The following MINDY3 variants were observed in gnomAD, a reference collection of about 807,000 sequenced individuals.
MINDY3 encodes the protein MINDY lysine 48 deubiquitinase 3.
MINDY3 carries 38 observed loss-of-function variants against 69.2 expected under a neutral mutation model. That is an observed-to-expected ratio of 0.55 (90% CI 0.42 to 0.72). The LOEUF is 0.72. MINDY3 is among the 30% of genes least tolerant of loss of function. MINDY3 has a pLI of 0.00. For synonymous variants in MINDY3, 192 were observed against 180.1 expected (o/e 1.07, Z -0.53); for missense variants, 522 against 519.0 (o/e 1.01, Z -0.06).
chr10:15,822,115 T>C (rs1204951736), intron 8 of MINDY3, among the ~76,000 whole-genome samples: 1 of 152,200 alleles, frequency 6.6e-6, no homozygotes, highest in African/African-American at 2.4e-5. Flanking sequence ...GAAAAACAAA[T>C]GGATATGCTA....
rs1042334762 is a variant in MINDY3 at position 15,833,617 on chromosome 10, G to C, written c.730+13C>G. The C allele has an allele frequency of 2.0e-6, 3 of 1,504,974 alleles. No individual in the cohort carries two copies. The highest frequency in any genetic ancestry group is 2.8e-6 in the Non-Finnish European group (3 of 1,082,570). The allele number at this position is 1,504,974 out of a possible 1,614,324, so 93.2% of individuals were successfully genotyped here. On this transcript the variant is annotated intron_variant, in intron 8 of 14. Transcript: ENST00000277632. ...TTCATCAAAGAGAGCAACATAACAA[G>C]GAATATACTTACTCATTCCTGAGCA...
intron 4 of MINDY3, 135 bp downstream of exon 4, chr10:15,841,291 C>A: frequency 1.5e-6 from 1 of 659,526 alleles, no homozygotes. Flanking sequence ...AATAGTGAGG[C>A]TCAGTAATTA....
intron 14 of MINDY3, among the ~76,000 whole-genome samples, chr10:15,780,853 G>A (rs1444044761): frequency 1.3e-5 from 2 of 152,020 alleles, no homozygotes; most frequent in Non-Finnish European, 2.9e-5. Context: ...GAGTGGCCAA[G>A]CAGACCAAGG....
intron 1 of MINDY3, among the ~76,000 whole-genome samples, chr10:15,848,633 C>CAAAAAAAAAAAAAAAAAAAAAACA (rs1834027637): frequency 2.0e-5 from 1 of 48,792 alleles, no homozygotes; most frequent in African/African-American, 1.4e-4. Flanking sequence ...GACTTCATCT[C>CAAAAAAAAAAAAAAAAAAAAAACA]AAAAAAAAAA....
At chr10:15,852,885 ACTTT>A (rs937830280) in intron 1 of MINDY3, among the ~76,000 whole-genome samples, 21 of 152,296 alleles carry the variant, frequency 1.4e-4, no homozygotes, top group Middle Eastern at 3.4e-3. Flanking sequence ...ACATGTACAG[ACTTT>A]CTTTTTCATA....
chr10:15,849,145 C>A (rs1818008953), intron 1 of MINDY3, among the ~76,000 whole-genome samples: 1 of 152,160 alleles, frequency 6.6e-6, no homozygotes. Context: ...ATGCTCTATA[C>A]TATCATAACA....
intron 11 of MINDY3, among the ~76,000 whole-genome samples, chr10:15,795,799 G>T (rs1251387166): frequency 1.3e-5 from 2 of 151,912 alleles, no homozygotes; most frequent in Non-Finnish European, 2.9e-5. Context: ...AGAAGAAAAT[G>T]ATTTACTTTT....
Position 15,779,059 on chromosome 10 carries a change from C to T in MINDY3, c.1271G>A (p.Cys424Tyr). The T allele has an allele frequency of 6.2e-7, 1 of 1,613,586 alleles. No individual in the cohort carries two copies. Among genetic ancestry groups the T allele is most frequent in the Non-Finnish European group, 8.5e-7 (1 of 1,179,776 alleles). Residue 424 changes from cysteine (C) to tyrosine (Y), a missense_variant, in exon 15 of 15, where the codon TGT (cysteine) becomes TAT (tyrosine). Coordinates refer to ENST00000277632, the MANE Select transcript of MINDY3 (RefSeq NM_024948.4). ...AATGTATGGCCATTTGGTTTGCAGA[C>T]AGCGTTTAATAGGAGTGTCATCTGT... ...LQTDDTPIKR[C>Y]LQTKWPYIEL...
intron 4 of MINDY3, among the ~76,000 whole-genome samples, chr10:15,839,779 A>G (rs1449111686): frequency 1.3e-5 from 2 of 151,704 alleles, no homozygotes; most frequent in Non-Finnish European, 3.0e-5. Context: ...TTAACAAAGT[A>G]TTTCAAATGT....
chr10:15,858,002 T>C (rs1360401515), intron 1 of MINDY3: 1 of 919,828 alleles, frequency 1.1e-6, no homozygotes, highest in African/African-American at 1.8e-5. Flanking sequence ...GTCACATTAG[T>C]AATGCAGCAA....
At chr10:15,822,032 T>G (rs1276151398) in intron 8 of MINDY3, among the ~76,000 whole-genome samples, 1 of 152,160 alleles carries the variant, frequency 6.6e-6, no homozygotes, top group African/African-American at 2.4e-5. Context: ...CATGCCATTG[T>G]TGACAAAAAT....
At chr10:15,846,811 C>T (rs1833881529) in intron 2 of MINDY3, among the ~76,000 whole-genome samples, 1 of 151,504 alleles carries the variant, frequency 6.6e-6, no homozygotes, top group African/African-American at 2.4e-5. Context: ...GCAACATCCA[C>T]CTCCCAGGTT....
At chr10:15,836,676 AT>A (rs1833104987) in intron 6 of MINDY3, among the ~76,000 whole-genome samples, 2 of 151,934 alleles carry the variant, frequency 1.3e-5, no homozygotes, top group Non-Finnish European at 1.5e-5. Flanking sequence ...ACCTGAGCAA[AT>A]GAAATATCCA....
intron 10 of MINDY3, among the ~76,000 whole-genome samples, chr10:15,801,698 T>C (rs573557525): frequency 6.6e-6 from 1 of 152,172 alleles, no homozygotes; most frequent in East Asian, 1.9e-4. Flanking sequence ...AAGAACAACA[T>C]GGAAGTCTGG....
At chr10:15,832,138 T>C (rs551995047) in intron 8 of MINDY3, among the ~76,000 whole-genome samples, 2 of 151,960 alleles carry the variant, frequency 1.3e-5, no homozygotes, top group South Asian at 4.2e-4. Flanking sequence ...GGAGAACGCG[T>C]AGAAAGATGA....
intron 1 of MINDY3, among the ~76,000 whole-genome samples, chr10:15,854,848 G>C (rs534348498): frequency 2.0e-4 from 30 of 152,032 alleles, no homozygotes; most frequent in African/African-American, 7.0e-4. Flanking sequence ...ATAAGAAAGT[G>C]ACAACTAAGG....
rs145855276 is a variant in MINDY3 at position 15,858,281 on chromosome 10, T to C, written c.94+1925A>G. ...AAGAAAGAAATCCTTTATTTTGAAA[T>C]GGTACTGATGGAACTAATCCTGTTA... On this transcript the variant is annotated intron_variant, in intron 1 of 14. Transcript: ENST00000277632. Among the ~76,000 whole-genome samples, 6 of 152,152 alleles carry C rather than the reference T, an allele frequency of 3.9e-5. No individual in the cohort carries two copies. The East Asian group carries it at 9.6e-4, about 24-fold the overall frequency.
chr10:15,844,931 T>A (rs1361221657), intron 2 of MINDY3, among the ~76,000 whole-genome samples: 2 of 152,208 alleles, frequency 1.3e-5, no homozygotes, highest in African/African-American at 4.8e-5. Flanking sequence ...TAAAGCATCA[T>A]TCCACCTGTT....
rs1447412638 is a variant in MINDY3 at position 15,796,172 on chromosome 10, C to A, written c.883G>T (p.Asp295Tyr). Residue 295 changes from aspartate (D) to tyrosine (Y), a missense_variant and splice_region_variant, in exon 11 of 15, where the codon GAT becomes TAT. Transcript: ENST00000277632. ...ETHLTVFFAKDMALVAPEAPS... is the reference protein window; with the variant it reads ...ETHLTVFFAKYMALVAPEAPS... ...GCTTCAGGGGCAACTAAAGCCATATCCTGAAAAGATAAGAAGCATGTTGTC... is the reference window on the plus strand; with the variant it reads ...GCTTCAGGGGCAACTAAAGCCATATACTGAAAAGATAAGAAGCATGTTGTC... 1.2e-6 allele frequency: 2 copies of A among 1,612,034 alleles called. No homozygotes were observed. The highest frequency in any genetic ancestry group is 1.7e-6 in the Non-Finnish European group (2 of 1,178,630).
Sources: gnomAD v4.1 joint callset for allele counts (sites outside exome capture counted in the v4.1 genomes callset) on GRCh38, gnomAD v4.1.1 for gene constraint, MANE v1.5 for transcripts, NCBI Gene and HGNC (gene_info 2026-07-23, HGNC 2026-07-21) for gene names.